PTPRQ: variants seen among roughly 807,000 people sequenced by gnomAD.
PTPRQ encodes protein tyrosine phosphatase receptor type Q.
In PTPRQ, 199 loss-of-function variants were observed where a neutral mutation model predicts 246.0. The observed-to-expected ratio is 0.81, with a 90% CI of 0.72 to 0.91. The LOEUF (loss-of-function observed/expected upper bound fraction) is 0.91, where lower values mean the gene tolerates loss of function less well. Among genes scored for constraint, PTPRQ ranks in the 40% least tolerant of loss-of-function variants. The pLI is 0.00. For synonymous variants in PTPRQ, 869 were observed against 853.2 expected, an observed-to-expected ratio of 1.02 and a Z score of -0.32; for missense variants, 2,624 against 2,528.4, an observed-to-expected ratio of 1.04 and a Z score of -0.81.
In PTPRQ at chr12:80,471,496, G is replaced by A. The variant is rs1292385700; in HGVS notation, c.1040-609G>A. Among the ~76,000 whole-genome samples the A allele has an allele frequency of 1.3e-3, 2 of 1,560 alleles. 1 individual carries two copies. The highest frequency in any genetic ancestry group is 6.1e-3 in the African/African-American group (2 of 328). 1.0% of individuals were successfully genotyped at this position (1,560 alleles called of 152,430 possible). On this transcript the variant is annotated intron_variant, in intron 7 of 44. Transcript: ENST00000644991. ...AGCATTTTTTTTTTTTTTTTTATTT[G>A]AGACAGAGTCTCGCTCTGTCGCCCA... is the stretch of plus-strand genomic sequence containing the variant.
chr12:80,528,057 C>G (rs1358099537), intron 17 of PTPRQ, among the ~76,000 whole-genome samples: 1 of 152,048 alleles, frequency 6.6e-6, no homozygotes, highest in Non-Finnish European at 1.5e-5. Context: ...TACCACTGCA[C>G]TCCAGCCTGG....
intron 25 of PTPRQ, among the ~76,000 whole-genome samples, chr12:80,577,375 A>G (rs950763812): frequency 5.3e-5 from 8 of 152,096 alleles, no homozygotes; most frequent in African/African-American, 1.9e-4. Flanking sequence ...CGAGCCCCTT[A>G]TAAAACTATC....
At chr12:80,468,580 A>G (rs182734094) in intron 6 of PTPRQ, 130 bp from the exon 7 acceptor site, 1 of 911,642 alleles carries the variant, frequency 1.1e-6, no homozygotes, top group Non-Finnish European at 1.5e-6. Context: ...TTTTTAAGAT[A>G]AAAAAACTCT....
At chr12:80,655,214 T>C (rs888306499) in intron 38 of PTPRQ, among the ~76,000 whole-genome samples, 2 of 152,164 alleles carry the variant, frequency 1.3e-5, no homozygotes, top group South Asian at 2.1e-4. Context: ...AAAAAATTAA[T>C]CAGGTTTCCT....
At chr12:80,652,922 T>G in intron 38 of PTPRQ, 88 bp downstream of exon 38, 2 of 1,271,616 alleles carry the variant, frequency 1.6e-6, no homozygotes, top group Non-Finnish European at 2.0e-6. Context: ...ATATATTTTA[T>G]TTTATATTGT....
At chr12:80,445,821 C>A in intron 3 of PTPRQ, 104 bp downstream of exon 3, 2 of 751,402 alleles carry the variant, frequency 2.7e-6, no homozygotes, top group Non-Finnish European at 4.5e-6. Context: ...TGAATACAGT[C>A]AGTGACTGAC....
At chr12:80,587,036 T>C (rs1324971885) in intron 25 of PTPRQ, among the ~76,000 whole-genome samples, 1 of 152,228 alleles carries the variant, frequency 6.6e-6, no homozygotes, top group Admixed American at 6.5e-5. Context: ...AAGGTGACTA[T>C]GTACAATACT....
intron 8 of PTPRQ, among the ~76,000 whole-genome samples, chr12:80,483,139 A>G (rs1400764628): frequency 2.5e-5 from 3 of 121,304 alleles, no homozygotes; most frequent in Non-Finnish European, 3.4e-5. Context: ...ATGTCCAACA[A>G]TGATAGACTG....
chr12:80,488,744 T>G lies in PTPRQ; in HGVS notation c.1359+4139T>G, dbSNP rs533204837. On this transcript the variant is annotated intron_variant, in intron 9 of 44. Transcript: ENST00000644991. ...ATAACCCTCCTATGCTAGGCATGATTTGATCTCATTACCCTTATTGAATTT... is the reference window on the plus strand; with the variant it reads ...ATAACCCTCCTATGCTAGGCATGATGTGATCTCATTACCCTTATTGAATTT... 2.0e-5 allele frequency among the ~76,000 whole-genome samples: 3 copies of G among 152,174 alleles called. No individual in the cohort carries two copies. The East Asian group carries it at 5.8e-4, about 29-fold the overall frequency.
At chr12:80,561,523 T>A (rs1221413529) in intron 25 of PTPRQ, 1 of 151,996 alleles carries the variant, frequency 6.6e-6, no homozygotes, top group East Asian at 1.9e-4. Flanking sequence ...GCCACCTCCA[T>A]CTCCATGGTT....
At chr12:80,514,145 TTC>T (rs920117462) in intron 17 of PTPRQ, among the ~76,000 whole-genome samples, 10 of 152,222 alleles carry the variant, frequency 6.6e-5, no homozygotes, top group Admixed American at 5.9e-4. Context: ...GCCCTTTTAT[TTC>T]TCTCACTCTT....
At chr12:80,612,331 T>C (rs553019296) in intron 28 of PTPRQ, among the ~76,000 whole-genome samples, 3 of 150,206 alleles carry the variant, frequency 2.0e-5, no homozygotes, top group African/African-American at 7.3e-5. Context: ...AAAATCCAAT[T>C]AGAAAATTGG....
chr12:80,641,847 C>G (rs1899866714), intron 35 of PTPRQ, among the ~76,000 whole-genome samples: 2 of 151,826 alleles, frequency 1.3e-5, no homozygotes, highest in Admixed American at 1.3e-4. Flanking sequence ...TTCTCCTTCT[C>G]TCTTTCTCTC....
At chr12:80,671,560 A>T (rs1900970971) in intron 42 of PTPRQ, among the ~76,000 whole-genome samples, 1 of 152,132 alleles carries the variant, frequency 6.6e-6, no homozygotes, top group Non-Finnish European at 1.5e-5. Context: ...TGTTCATATT[A>T]TTGACCATCT....
intron 16 of PTPRQ, among the ~76,000 whole-genome samples, chr12:80,509,199 AC>A (rs1895051843): frequency 6.6e-6 from 1 of 152,040 alleles, no homozygotes; most frequent in Non-Finnish European, 1.5e-5. Flanking sequence ...ATTCCTTATA[AC>A]TTGTCTCATA....
intron 39 of PTPRQ, among the ~76,000 whole-genome samples, chr12:80,660,403 G>A (rs113222938): frequency 1.3e-5 from 2 of 151,974 alleles, no homozygotes; most frequent in African/African-American, 4.8e-5. Flanking sequence ...TGCTCCCAGA[G>A]TTAGGACTTG....
intron 17 of PTPRQ, among the ~76,000 whole-genome samples, chr12:80,524,435 T>A (rs1895617291): frequency 6.6e-6 from 1 of 152,170 alleles, no homozygotes; most frequent in Admixed American, 6.5e-5. Flanking sequence ...GTGAGTCCAT[T>A]AAACTTCTTT....
At chr12:80,474,015 G>A (rs559883278) in intron 8 of PTPRQ, among the ~76,000 whole-genome samples, 4 of 152,328 alleles carry the variant, frequency 2.6e-5, no homozygotes, top group South Asian at 2.1e-4. Flanking sequence ...CATCCATGGA[G>A]TTCTCTTGGG....
At chr12:80,652,495 G>T (rs1900288940) in intron 37 of PTPRQ, among the ~76,000 whole-genome samples, 1 of 151,900 alleles carries the variant, frequency 6.6e-6, no homozygotes, top group South Asian at 2.1e-4. Context: ...ACATCTTAAG[G>T]CTTCCCAAAG....
Sources: gnomAD v4.1 joint callset for allele counts (sites outside exome capture counted in the v4.1 genomes callset) on GRCh38, gnomAD v4.1.1 for gene constraint, MANE v1.5 for transcripts, NCBI Gene and HGNC (gene_info 2026-07-23, HGNC 2026-07-21) for gene names.